Variants in DNMT1 observed in about 807,000 individuals in gnomAD.
DNMT1 encodes the protein DNA (cytosine-5)-methyltransferase 1.
Under a neutral mutation model 205.3 loss-of-function variants are expected in DNMT1, and 24 were observed. The ratio of observed to expected loss-of-function variants is 0.12; its 90% confidence interval spans 0.08 to 0.16. The LOEUF is 0.16. DNMT1 is among the 10% of genes least tolerant of loss of function. DNMT1 has a pLI of 1.00. For synonymous variants in DNMT1, 817 were observed against 839.8 expected (o/e 0.97, Z 0.47); for missense variants, 1,293 against 2,177.7 (o/e 0.59, Z 8.09).
intron 1 of DNMT1, among the ~76,000 whole-genome samples, chr19:10,184,801 C>T (rs751516251): frequency 6.6e-6 from 1 of 152,202 alleles, no homozygotes; most frequent in Admixed American, 6.6e-5. Context: ...GAAGGTGCCC[C>T]AGGCAGGGAC....
At chr19:10,136,758 T>G (rs895316151) in intron 37 of DNMT1, among the ~76,000 whole-genome samples, 2 of 108,018 alleles carry the variant, frequency 1.9e-5, no homozygotes, top group Non-Finnish European at 3.5e-5. Flanking sequence ...TTATTTATTG[T>G]TTTTTTTTTT....
chr19:10,160,474 T>G lies in DNMT1; in HGVS notation c.1009-56A>C, dbSNP rs1211772739. ...GCTAAGAGAGTGTTTTACACCCAGA[T>G]AGTGCTTCGGTGTTAAGAACTTTGT... On this transcript the variant is annotated intron_variant, in intron 13 of 40. Transcript: ENST00000359526. 5.7e-6 allele frequency: 9 copies of G among 1,589,772 alleles called. No individual in the cohort carries two copies. In the Middle Eastern group the frequency reaches 5.0e-4, roughly 88 times the overall value.
intron 11 of DNMT1, among the ~76,000 whole-genome samples, chr19:10,164,991 T>A (rs2038658151): frequency 7.4e-6 from 1 of 135,264 alleles, no homozygotes; most frequent in Non-Finnish European, 1.5e-5. Context: ...CAACGGTTCA[T>A]GCCTGTAATC....
chr19:10,189,586 TA>T (rs1380219435), intron 1 of DNMT1, among the ~76,000 whole-genome samples: 3 of 151,574 alleles, frequency 2.0e-5, no homozygotes, highest in Admixed American at 6.6e-5. Flanking sequence ...CTTTTGGCTT[TA>T]TTTTTTTTTT....
chr19:10,160,637 G>A (rs1481913981), intron 13 of DNMT1, among the ~76,000 whole-genome samples: 1 of 152,226 alleles, frequency 6.6e-6, no homozygotes, highest in East Asian at 1.9e-4. Flanking sequence ...GCTCATGCCT[G>A]TAATCCCAGC....
chr19:10,142,325 AC>A, intron 29 of DNMT1, 105 bp from the exon 30 acceptor site: 1 of 1,528,024 alleles, frequency 6.5e-7, no homozygotes, highest in Middle Eastern at 1.8e-4. Context: ...CAGGGTAAAG[AC>A]CCCCTAGTTC....
At position 10,162,613 on chromosome 19, in the gene DNMT1, T is replaced by A. The variant is rs542860950; in HGVS notation, c.1008+54A>T. The A allele has an allele frequency of 2.0e-3, 3,024 of 1,502,790 alleles. 99 individuals are homozygous for A. The South Asian group carries it at 0.034, about 17-fold the overall frequency. The allele number at this position is 1,502,790 out of a possible 1,614,324, so 93.1% of individuals were successfully genotyped here. ...GCCTGGGCAACATGGCGAAACCCCG[T>A]CTTGGGGAAAAAAAAAAAAAAAAAA... is the stretch of plus-strand genomic sequence containing the variant. On this transcript the variant is annotated intron_variant, in intron 13 of 40. Transcript: ENST00000359526.
chr19:10,141,068 A>G (rs2089590896), intron 31 of DNMT1, 37 bp downstream of exon 31: 1 of 1,612,418 alleles, frequency 6.2e-7, no homozygotes, highest in East Asian at 2.2e-5. Context: ...CAAGTTACAG[A>G]AGAATAACTT....
chr19:10,186,921 A>C (rs2039196644), intron 1 of DNMT1, among the ~76,000 whole-genome samples: 1 of 151,810 alleles, frequency 6.6e-6, no homozygotes, highest in African/African-American at 2.4e-5. Context: ...GGGATTCCCA[A>C]GAGAAAGGGT....
rs941068645 is a variant in DNMT1, at chr19:10,163,437, G to A, written c.892-77C>T. 3.4e-6 allele frequency: 5 copies of A among 1,474,678 alleles called. No homozygotes were observed. The African/African-American group carries it at 7.0e-5, about 21-fold the overall frequency. The allele number at this position is 1,474,678 out of a possible 1,614,324, so 91.3% of individuals were successfully genotyped here. ...TTTCTGAGCCAGAGTGAGATAAAAT[G>A]CAAACACTGAAGTTACAGGTTAGGG... On this transcript the variant is annotated intron_variant, in intron 11 of 40. Transcript: ENST00000359526.
At chr19:10,136,653 C>G (rs2089489066) in intron 37 of DNMT1, among the ~76,000 whole-genome samples, 1 of 152,148 alleles carries the variant, frequency 6.6e-6, no homozygotes, top group Admixed American at 6.5e-5. Context: ...GCAGGCTGAT[C>G]TCGAGCTCCT....
At chr19:10,189,295 G>C (rs1249486663) in intron 1 of DNMT1, among the ~76,000 whole-genome samples, 4 of 151,812 alleles carry the variant, frequency 2.6e-5, no homozygotes. Flanking sequence ...AATTTTTTTT[G>C]TATTTTTAGT....
intron 39 of DNMT1, among the ~76,000 whole-genome samples, chr19:10,135,212 C>CA (rs34374135): frequency 0.52 from 55,793 of 108,172 alleles, 13,693 homozygotes; most frequent in Non-Finnish European, 0.54. Flanking sequence ...AGCTCCATCT[C>CA]AAAAAAAAAA....
Position 10,145,096 on chromosome 19 carries a change from G to A in DNMT1, c.2895-1109C>T, listed in dbSNP as rs1305695891. On this transcript the variant is annotated intron_variant, in intron 28 of 40. Transcript: ENST00000359526. ...GCTCTGATCTAGAAGCGACACTGGA[G>A]GCCAATGTAAGGCGCCACAGGGCCT... is the stretch of plus-strand genomic sequence containing the variant. 3.9e-5 allele frequency among the ~76,000 whole-genome samples: 6 copies of A among 152,368 alleles called. No homozygotes were observed. In the East Asian group the frequency reaches 1.2e-3, roughly 29 times the overall value.
At position 10,146,231 on chromosome 19, in the gene DNMT1, C is replaced by T. The variant is rs765620919; in HGVS notation, c.2894+120G>A. 40 of 1,233,310 alleles carry T rather than the reference C, an allele frequency of 3.2e-5. No homozygotes were observed. Among genetic ancestry groups the T allele is most frequent in the African/African-American group, 3.0e-5 (2 of 66,236 alleles). 76.4% of individuals were successfully genotyped at this position (1,233,310 alleles called of 1,614,324 possible). A position where few individuals can be genotyped will look rare whatever the true frequency, so the allele number is the denominator to read the frequency against. The stretch of plus-strand genomic sequence containing the variant: ...CTGTTTGCCACCTATGCCAACGTGA[C>T]GGCTAGGACAACAGCTGGTGCGGAG... On this transcript the variant is annotated intron_variant, in intron 28 of 40. Transcript: ENST00000359526. The surrounding 1 kb of genome is among the most constrained non-coding windows in gnomAD (Gnocchi z 4.4).
At chr19:10,158,457 G>T (rs1057411840) in intron 17 of DNMT1, among the ~76,000 whole-genome samples, 11 of 152,206 alleles carry the variant, frequency 7.2e-5, no homozygotes, top group African/African-American at 2.7e-4. Context: ...GGGTCCCCAA[G>T]GCACTTCCCC....
intron 26 of DNMT1, 49 bp from the exon 27 acceptor site, chr19:10,149,066 G>T: frequency 6.2e-7 from 1 of 1,609,844 alleles, no homozygotes; most frequent in Non-Finnish European, 8.5e-7. Context: ...GCTCATGCCT[G>T]TATTCCCAGC....
At position 10,140,860 on chromosome 19, in the gene DNMT1, T is replaced by C. The variant is rs756132614; in HGVS notation, c.3444A>G (p.Ile1148Met). 3.1e-6 allele frequency: 5 copies of C among 1,614,072 alleles called. No individual in the cohort carries two copies. The highest frequency in any genetic ancestry group is 3.4e-6 in the Non-Finnish European group (4 of 1,180,024). ...SQACEPSEPE[I>M]EIKLPKLRTL... The stretch of plus-strand genomic sequence containing the variant: ...TCCGCAGCTTGGGCAGCTTGATCTC[T>C]ATCTCTGGCTCGCTCGGCTCACAGG... The change falls in exon 32 of 41, where the codon ATA (isoleucine) becomes ATG (methionine). Residue 1148 changes from isoleucine (I) to methionine (M), a missense_variant. Transcript: ENST00000359526. This position sits in a 1 kb window ranked among gnomAD's most constrained non-coding sequence, Gnocchi z 8.4.
chr19:10,178,996 G>T lies in DNMT1; in HGVS notation c.493+1191C>A, dbSNP rs145629878. Reference sequence around the variant, plus strand: ...CAAAAAAAATTAGCCGGGCATGGTGGCGGGCGCCTGTAGTCCCAGCTACTC... The same window carrying T: ...CAAAAAAAATTAGCCGGGCATGGTGTCGGGCGCCTGTAGTCCCAGCTACTC... On this transcript the variant is annotated intron_variant, in intron 5 of 40. Coordinates refer to ENST00000359526, the MANE Select transcript of DNMT1 (RefSeq NM_001130823.3). 5.7e-3 allele frequency among the ~76,000 whole-genome samples: 864 copies of T among 151,306 alleles called. 15 individuals carry two copies. The highest frequency in any genetic ancestry group is 0.034 in the East Asian group (172 of 5,116).
Sources: allele counts gnomAD v4.1 joint callset (sites outside exome capture counted in the v4.1 genomes callset), GRCh38; gene constraint gnomAD v4.1.1; non-coding constraint Gnocchi (gnomAD v3.1); transcripts MANE v1.5; gene names NCBI Gene and HGNC (gene_info 2026-07-23, HGNC 2026-07-21).